The following APBB2 variants were observed in gnomAD, a reference collection of about 807,000 sequenced individuals.
APBB2 encodes amyloid beta precursor protein binding family B member 2.
In APBB2, 38 loss-of-function variants were observed where a neutral mutation model predicts 82.5. The observed-to-expected ratio is 0.46, with a 90% CI of 0.36 to 0.60. The LOEUF (loss-of-function observed/expected upper bound fraction) is 0.60. Ranked by LOEUF, APBB2 falls within the 20% of genes least tolerant of loss-of-function variation. APBB2 has a pLI of 0.00. For synonymous variants in APBB2, 341 were observed against 368.2 expected (o/e 0.93, Z 0.85); for missense variants, 772 against 972.3 (o/e 0.79, Z 2.74).
chr4:41,034,328 G>A (rs1718282325), intron 4 of APBB2, among the ~76,000 whole-genome samples: 1 of 151,954 alleles, frequency 6.6e-6, no homozygotes, highest in African/African-American at 2.4e-5. Context: ...GGGGTTGTTG[G>A]TTTTTTGTTT....
At chr4:41,161,409 C>A (rs537515927) in intron 1 of APBB2, among the ~76,000 whole-genome samples, 1 of 152,204 alleles carries the variant, frequency 6.6e-6, no homozygotes, top group East Asian at 1.9e-4. Context: ...GAGTTCAAGA[C>A]TAGCCTGGGC....
At chr4:41,112,522 G>A (rs558132432) in intron 2 of APBB2, among the ~76,000 whole-genome samples, 2 of 152,312 alleles carry the variant, frequency 1.3e-5, no homozygotes, top group African/African-American at 4.8e-5. Flanking sequence ...CTCACTGCAG[G>A]ATATGGGTTT....
chr4:41,166,120 C>T (rs57682026), intron 1 of APBB2, among the ~76,000 whole-genome samples: 10,711 of 151,120 alleles, frequency 0.071, 914 homozygotes, highest in African/African-American at 0.21. Flanking sequence ...GTGATCCGCC[C>T]GCCTCGGCCT....
intron 2 of APBB2, among the ~76,000 whole-genome samples, chr4:41,123,044 C>T (rs1488160942): frequency 2.0e-5 from 3 of 152,286 alleles, no homozygotes; most frequent in African/African-American, 7.2e-5. Flanking sequence ...TCACCTGATT[C>T]TTGTGGCCAA....
In APBB2 at chr4:40,899,662, C is replaced by T. The variant is rs189517460; in HGVS notation, c.1255-6251G>A. Among the ~76,000 whole-genome samples, 13 of 152,362 alleles carry T rather than the reference C, an allele frequency of 8.5e-5. No homozygotes were observed. The East Asian group carries it at 2.5e-3, about 29-fold the overall frequency. On this transcript the variant is annotated intron_variant, in intron 10 of 17. Transcript: ENST00000508593. ...CCTCAGCAAATATGGACTTCGTTCT[C>T]TCTGGTTCCGCAAGATACTATTATT...
chr4:41,138,783 T>C (rs2661663), intron 2 of APBB2, among the ~76,000 whole-genome samples: 8 of 152,182 alleles, frequency 5.3e-5, no homozygotes, highest in African/African-American at 1.9e-4. Flanking sequence ...AGATTGGACA[T>C]GAAATAAAAC....
chr4:40,849,932 C>A (rs1758809916), intron 12 of APBB2, among the ~76,000 whole-genome samples: 1 of 152,090 alleles, frequency 6.6e-6, no homozygotes, highest in Non-Finnish European at 1.5e-5. Flanking sequence ...CCATGTTGCT[C>A]AGTCTGGTCT....
rs1781310193 is a variant in APBB2, at chr4:40,921,723, A to C, written c.1254+12733T>G. 3.9e-5 allele frequency among the ~76,000 whole-genome samples: 6 copies of C among 152,360 alleles called. No individual in the cohort carries two copies. The South Asian group carries it at 1.2e-3, about 32-fold the overall frequency. On this transcript the variant is annotated intron_variant, in intron 10 of 17. Coordinates refer to ENST00000508593, the MANE Select transcript of APBB2 (RefSeq NM_004307.2). ...ACGCTCTAGGTTGCAATCTCATCTG[A>C]GCTCGTAACTGAAAAAAGCATGGCT... is the stretch of plus-strand genomic sequence containing the variant.
chr4:40,842,475 C>A, intron 12 of APBB2: 1 of 399,754 alleles, frequency 2.5e-6, no homozygotes, highest in Non-Finnish European at 5.2e-6. Flanking sequence ...CGAGTCTGAG[C>A]ACTGACAGCT....
intron 3 of APBB2, among the ~76,000 whole-genome samples, chr4:41,090,466 C>T (rs1741286116): frequency 6.6e-6 from 1 of 152,140 alleles, no homozygotes; most frequent in South Asian, 2.1e-4. Context: ...CTCTACAGTA[C>T]ATTTGAGCCT....
At chr4:41,038,136 T>C (rs1193314396) in intron 4 of APBB2, among the ~76,000 whole-genome samples, 5 of 151,942 alleles carry the variant, frequency 3.3e-5, no homozygotes, top group Non-Finnish European at 7.4e-5. Flanking sequence ...ATAATGCTAC[T>C]AGGGATCAAT....
At position 40,815,504 on chromosome 4, in the gene APBB2, A is replaced by AG. The variant is rs138012390; in HGVS notation, c.*587dup. ...ACATGAAATGGTGTCCATGTGTCAA[A>AG]GAGCTTGTCAGGGAAAGCTGCCAGT... On this transcript the variant is annotated 3_prime_UTR_variant, in exon 18 of 18. Coordinates refer to ENST00000508593, the MANE Select transcript of APBB2 (RefSeq NM_004307.2). 1 of 152,808 alleles carries AG rather than the reference A, an allele frequency of 6.5e-6. No homozygotes were observed. The highest frequency in any genetic ancestry group is 1.5e-5 in the Non-Finnish European group (1 of 68,102). 9.5% of individuals were successfully genotyped at this position (152,808 alleles called of 1,614,324 possible). A position where few individuals can be genotyped will look rare whatever the true frequency, so the allele number is the denominator to read the frequency against.
intron 6 of APBB2, among the ~76,000 whole-genome samples, chr4:40,952,043 G>T (rs142523170): frequency 1.3e-5 from 2 of 151,890 alleles, no homozygotes. Flanking sequence ...AAAATTAGCC[G>T]GGTGTGGTGA....
intron 1 of APBB2, chr4:41,194,265 T>G: frequency 5.9e-5 from 9 of 152,486 alleles, no homozygotes; most frequent in Admixed American, 2.0e-4. Flanking sequence ...AAGGCTGCAA[T>G]GAGCCATGAT....
rs1277574047 is a variant in APBB2, at chr4:41,008,938, C to T, written c.835+4645G>A. The stretch of plus-strand genomic sequence containing the variant: ...CTGTGTATAATTCTGCTTTTGTACA[C>T]TTTAGCAATGAATCTGATTTTGAAA... On this transcript the variant is annotated intron_variant, in intron 6 of 17. Transcript: ENST00000508593. 4.6e-5 allele frequency among the ~76,000 whole-genome samples: 7 copies of T among 152,210 alleles called. 1 individual carries two copies. The highest frequency in any genetic ancestry group is 4.6e-4 in the Admixed American group (7 of 15,282).
At chr4:41,002,576 C>G (rs1376034412) in intron 6 of APBB2, among the ~76,000 whole-genome samples, 1 of 152,212 alleles carries the variant, frequency 6.6e-6, no homozygotes, top group Non-Finnish European at 1.5e-5. Context: ...AAGCTCAATG[C>G]CTTGAGCTGG....
At chr4:41,173,433 C>T (rs941907402) in intron 1 of APBB2, among the ~76,000 whole-genome samples, 2 of 152,128 alleles carry the variant, frequency 1.3e-5, no homozygotes, top group African/African-American at 4.8e-5. Context: ...AGATTCCTAT[C>T]GGCCAGGGGA....
At chr4:40,952,123 T>C (rs1400763757) in intron 6 of APBB2, among the ~76,000 whole-genome samples, 1 of 147,950 alleles carries the variant, frequency 6.8e-6, no homozygotes, top group Non-Finnish European at 1.5e-5. Context: ...GAGGTGGAGG[T>C]TGCAGTGAGC....
intron 12 of APBB2, among the ~76,000 whole-genome samples, chr4:40,835,766 A>C (rs1753706846): frequency 6.6e-6 from 1 of 152,212 alleles, no homozygotes; most frequent in African/African-American, 2.4e-5. Context: ...GCTGGGGGCC[A>C]CTGCGGTGGT....
Sources: gnomAD v4.1 joint callset for allele counts (sites outside exome capture counted in the v4.1 genomes callset) on GRCh38, gnomAD v4.1.1 for gene constraint, MANE v1.5 for transcripts, NCBI Gene and HGNC (gene_info 2026-07-23, HGNC 2026-07-21) for gene names.